Variants in PTPRM observed in about 807,000 individuals in gnomAD.
The protein encoded by PTPRM is protein tyrosine phosphatase receptor type M, also known as receptor-type tyrosine-protein phosphatase mu.
A neutral mutation model predicts 186.7 loss-of-function variants in PTPRM; 47 were observed. The observed-to-expected ratio is 0.25, with a 90% CI of 0.20 to 0.32. The LOEUF (loss-of-function observed/expected upper bound fraction) is 0.32. Among genes scored for constraint, PTPRM ranks in the 10% least tolerant of loss-of-function variants. PTPRM has a pLI of 1.00. For synonymous variants in PTPRM, 668 were observed against 674.9 expected (o/e 0.99, Z 0.16); for missense variants, 1,494 against 1,865.0 (o/e 0.80, Z 3.66).
At chr18:8,068,398 G>T (rs979552374) in intron 7 of PTPRM, among the ~76,000 whole-genome samples, 1 of 152,128 alleles carries the variant, frequency 6.6e-6, no homozygotes, top group Admixed American at 6.5e-5. Context: ...TTGTAGTAGT[G>T]CATGGTACAT....
intron 1 of PTPRM, among the ~76,000 whole-genome samples, chr18:7,648,811 A>C (rs982640492): frequency 7.2e-5 from 11 of 152,190 alleles, no homozygotes; most frequent in South Asian, 2.1e-4. Flanking sequence ...GCAGATGCAG[A>C]ATCTGTTATC....
At chr18:7,931,666 A>C (rs536313831) in intron 5 of PTPRM, among the ~76,000 whole-genome samples, 44 of 152,236 alleles carry the variant, frequency 2.9e-4, no homozygotes, top group Non-Finnish European at 5.3e-4. Context: ...GTGCCACTGC[A>C]CTCCGTCTCA....
intron 5 of PTPRM, among the ~76,000 whole-genome samples, chr18:7,942,156 A>G (rs1484609202): frequency 6.6e-6 from 1 of 151,728 alleles, no homozygotes; most frequent in East Asian, 1.9e-4. Context: ...GGTGGCAGGC[A>G]CCTGTAGTCC....
intron 1 of PTPRM, among the ~76,000 whole-genome samples, chr18:7,636,598 G>C (rs1267574266): frequency 3.3e-5 from 5 of 152,112 alleles, no homozygotes; most frequent in African/African-American, 1.2e-4. Flanking sequence ...ACAGCCTAAG[G>C]GGGAGATGAG....
intron 1 of PTPRM, among the ~76,000 whole-genome samples, chr18:7,703,056 T>A (rs914322686): frequency 7.8e-4 from 119 of 152,344 alleles, no homozygotes; most frequent in Middle Eastern, 3.4e-3. Flanking sequence ...TTGGTACCAG[T>A]ACCATGCTGT....
At position 7,922,955 on chromosome 18, in the gene PTPRM, C is replaced by T. The variant is rs569468017; in HGVS notation, c.548-3613C>T. Among the ~76,000 whole-genome samples, 5 of 152,198 alleles carry T rather than the reference C, an allele frequency of 3.3e-5. No individual in the cohort carries two copies. The South Asian group carries it at 6.2e-4, about 19-fold the overall frequency. The stretch of plus-strand genomic sequence containing the variant: ...TTGGTGCTATTGAGATTTTGGCACC[C>T]GCTAATTTTTTGTTGTGGGGGCTAT... On this transcript the variant is annotated intron_variant, in intron 4 of 32. Transcript: ENST00000580170.
chr18:8,315,671 A>G (rs767849197), intron 21 of PTPRM, among the ~76,000 whole-genome samples: 15 of 152,200 alleles, frequency 9.9e-5, no homozygotes, highest in African/African-American at 1.4e-4. Flanking sequence ...CAGTACTTCC[A>G]TAGACAGGAT....
intron 7 of PTPRM, among the ~76,000 whole-genome samples, chr18:8,016,110 T>C (rs983678920): frequency 1.3e-5 from 2 of 152,130 alleles, no homozygotes; most frequent in African/African-American, 4.8e-5. Context: ...AAAGGGTGGA[T>C]GGATACACAG....
intron 2 of PTPRM, among the ~76,000 whole-genome samples, chr18:7,832,227 A>G (rs879803091): frequency 2.0e-5 from 3 of 152,142 alleles, no homozygotes; most frequent in Non-Finnish European, 4.4e-5. Context: ...GCTAGTACTA[A>G]TTTACATTTC....
In PTPRM at chr18:8,289,515, TATATATATACATATATATACAC is replaced by T. The variant is rs1184747696; in HGVS notation, c.2755-6843_2755-6822del. ...ATATATGTATATATGTGTGTGTATG[TATATATATACATATATATACAC>T]ATATATATATATACATATATATACA... On this transcript the variant is annotated intron_variant, in intron 19 of 32. Coordinates refer to ENST00000580170, the MANE Select transcript of PTPRM (RefSeq NM_001105244.2). Among the ~76,000 whole-genome samples, 12 of 60,916 alleles carry T rather than the reference TATATATATACATATATATACAC, an allele frequency of 2.0e-4. 1 individual carries two copies. Among genetic ancestry groups the T allele is most frequent in the African/African-American group, 4.5e-4 (5 of 11,108 alleles). 40.0% of individuals were successfully genotyped at this position (60,916 alleles called of 152,430 possible).
At chr18:8,376,272 T>A (rs1331134445) in intron 25 of PTPRM, 72 bp downstream of exon 25, 2 of 1,571,860 alleles carry the variant, frequency 1.3e-6, no homozygotes, top group Non-Finnish European at 1.7e-6. Context: ...TTGGGGATGA[T>A]GAGTATGTTT....
chr18:7,894,454 C>T (rs899171129), intron 3 of PTPRM, among the ~76,000 whole-genome samples: 2 of 151,714 alleles, frequency 1.3e-5, no homozygotes, highest in Admixed American at 6.6e-5. Flanking sequence ...GGCGTGGTGG[C>T]GGGCACCTGT....
chr18:8,061,492 C>T (rs2088506455), intron 7 of PTPRM, among the ~76,000 whole-genome samples: 1 of 89,930 alleles, frequency 1.1e-5, no homozygotes. Flanking sequence ...GAATTTCATC[C>T]TGTCATTATG....
At chr18:7,946,675 A>C (rs866455250) in intron 5 of PTPRM, among the ~76,000 whole-genome samples, 2 of 152,104 alleles carry the variant, frequency 1.3e-5, no homozygotes, top group Non-Finnish European at 2.9e-5. Context: ...TATGAGAACA[A>C]ATTTAGGGCA....
intron 7 of PTPRM, among the ~76,000 whole-genome samples, chr18:8,018,676 A>G (rs1431738822): frequency 1.3e-5 from 2 of 152,156 alleles, no homozygotes; most frequent in East Asian, 3.8e-4. Context: ...TTAATAATTT[A>G]TGTAATTTTA....
intron 4 of PTPRM, among the ~76,000 whole-genome samples, chr18:7,908,360 A>G (rs887301879): frequency 3.3e-5 from 5 of 152,186 alleles, no homozygotes; most frequent in Admixed American, 1.3e-4. Flanking sequence ...TGATGACCCT[A>G]TGCAAAATTA....
intron 14 of PTPRM, among the ~76,000 whole-genome samples, chr18:8,193,814 C>T (rs1218629881): frequency 6.6e-6 from 1 of 152,256 alleles, no homozygotes; most frequent in East Asian, 1.9e-4. Context: ...GTAGGGACAG[C>T]ACCCAGGCCA....
At chr18:7,948,267 G>A (rs1171499622) in intron 5 of PTPRM, among the ~76,000 whole-genome samples, 2 of 151,574 alleles carry the variant, frequency 1.3e-5, no homozygotes, top group Non-Finnish European at 2.9e-5. Flanking sequence ...ATATGTGTGT[G>A]TATATATATT....
chr18:8,149,487 C>T (rs1164694012), intron 14 of PTPRM, among the ~76,000 whole-genome samples: 2 of 151,780 alleles, frequency 1.3e-5, no homozygotes, highest in East Asian at 1.9e-4. Context: ...TGATTTTTTT[C>T]GCTTTCCATT....
Sources: gnomAD v4.1 joint callset for allele counts (sites outside exome capture counted in the v4.1 genomes callset) on GRCh38, gnomAD v4.1.1 for gene constraint, MANE v1.5 for transcripts, NCBI Gene and HGNC (gene_info 2026-07-23, HGNC 2026-07-21) for gene names.